Variants in EYS observed in about 807,000 individuals in gnomAD.
EYS encodes EGF-like photoreceptor maintenance factor.
In EYS, 250 loss-of-function variants were observed where a neutral mutation model predicts 282.1. That is an observed-to-expected ratio of 0.89 (90% CI 0.80 to 0.98). EYS has a LOEUF of 0.98. EYS is among the 50% of genes least tolerant of loss of function. The pLI is 0.00. For synonymous variants in EYS, 1,355 were observed against 1,282.9 expected, an observed-to-expected ratio of 1.06 and a Z score of -1.20; for missense variants, 4,016 against 3,709.0, an observed-to-expected ratio of 1.08 and a Z score of -2.15.
At chr6:64,729,413 T>C (rs963537932) in intron 22 of EYS, among the ~76,000 whole-genome samples, 1 of 152,186 alleles carries the variant, frequency 6.6e-6, no homozygotes, top group Non-Finnish European at 1.5e-5. Context: ...ATAGTGGAAA[T>C]TATGTGAGTA....
chr6:65,062,798 G>T (rs1175319028), intron 12 of EYS, among the ~76,000 whole-genome samples: 1 of 151,866 alleles, frequency 6.6e-6, no homozygotes, highest in South Asian at 2.1e-4. Context: ...GCATAAAGAG[G>T]ATTATCTTTA....
At chr6:65,579,247 C>T (rs1164168772) in intron 2 of EYS, among the ~76,000 whole-genome samples, 1 of 151,856 alleles carries the variant, frequency 6.6e-6, no homozygotes, top group Non-Finnish European at 1.5e-5. Context: ...CAAGAAGATA[C>T]AACATATATT....
At chr6:63,732,954 AGAAAGGCATGTATGCATGTGGGGGCAG>A (rs1220508267) in intron 41 of EYS, among the ~76,000 whole-genome samples, 1 of 152,200 alleles carries the variant, frequency 6.6e-6, no homozygotes, top group Non-Finnish European at 1.5e-5. Flanking sequence ...CAGGGAAAGG[AGAAAGGCATGTATGCATGTGGGGGCAG>A]GAAAGGCATT....
chr6:65,679,520 G>T (rs2149837577), intron 1 of EYS, among the ~76,000 whole-genome samples: 1 of 151,824 alleles, frequency 6.6e-6, no homozygotes, highest in East Asian at 2.0e-4. Context: ...GTAGAATGTT[G>T]GTTGCCAGAG....
intron 5 of EYS, among the ~76,000 whole-genome samples, chr6:65,440,761 C>A (rs1173041346): frequency 1.3e-5 from 2 of 149,998 alleles, no homozygotes; most frequent in Admixed American, 1.3e-4. Flanking sequence ...TGGCTAATAA[C>A]ATTAATTTAT....
intron 30 of EYS, among the ~76,000 whole-genome samples, chr6:64,269,036 T>C (rs936024098): frequency 1.3e-5 from 2 of 152,302 alleles, no homozygotes; most frequent in African/African-American, 4.8e-5. Flanking sequence ...TGCTTCCTCA[T>C]GTGTGATGTT....
At chr6:65,564,374 T>A (rs1769191705) in intron 2 of EYS, among the ~76,000 whole-genome samples, 1 of 151,988 alleles carries the variant, frequency 6.6e-6, no homozygotes, top group Admixed American at 6.6e-5. Context: ...CTTCAAACTA[T>A]CCTACAAGCC....
chr6:64,265,545 T>C (rs1269180756), intron 30 of EYS, among the ~76,000 whole-genome samples: 2 of 152,306 alleles, frequency 1.3e-5, no homozygotes, highest in African/African-American at 4.8e-5. Flanking sequence ...TGTTGTGGTC[T>C]CATCATCTTT....
chr6:65,474,594 C>T (rs1765333483), intron 5 of EYS, among the ~76,000 whole-genome samples: 1 of 152,086 alleles, frequency 6.6e-6, no homozygotes, highest in African/African-American at 2.4e-5. Context: ...TGTAAATCTT[C>T]CAACAGATAG....
chr6:65,042,263 C>T (rs1277449715), intron 13 of EYS, among the ~76,000 whole-genome samples: 2 of 151,414 alleles, frequency 1.3e-5, no homozygotes, highest in African/African-American at 2.4e-5. Flanking sequence ...ACCTGCATTT[C>T]TTGTAGATTG....
At chr6:65,672,766 T>G (rs1307071910) in intron 1 of EYS, among the ~76,000 whole-genome samples, 5 of 151,968 alleles carry the variant, frequency 3.3e-5, no homozygotes, top group African/African-American at 1.2e-4. Flanking sequence ...GACAGAAAAT[T>G]TTCATGCGAG....
intron 31 of EYS, among the ~76,000 whole-genome samples, chr6:64,133,170 T>A (rs1189089968): frequency 6.6e-6 from 1 of 151,292 alleles, no homozygotes; most frequent in Admixed American, 6.6e-5. Context: ...CTAATTTTGA[T>A]TTTTTTCCTC....
chr6:65,617,641 C>T (rs894453215), intron 2 of EYS, among the ~76,000 whole-genome samples: 7 of 151,122 alleles, frequency 4.6e-5, no homozygotes, highest in South Asian at 4.2e-4. Context: ...CATGCTGGTG[C>T]GCTGCACCCA....
intron 12 of EYS, among the ~76,000 whole-genome samples, chr6:65,120,603 A>G (rs1351251675): frequency 6.6e-6 from 1 of 152,158 alleles, no homozygotes; most frequent in Non-Finnish European, 1.5e-5. Context: ...TAAGATTGGA[A>G]TAGACAAGAT....
chr6:63,746,934 A>T (rs1397607129), intron 41 of EYS, among the ~76,000 whole-genome samples: 1 of 152,136 alleles, frequency 6.6e-6, no homozygotes, highest in Non-Finnish European at 1.5e-5. Context: ...TATCTCCTTC[A>T]GTTCTGCTCT....
intron 11 of EYS, among the ~76,000 whole-genome samples, chr6:65,306,337 T>A (rs1277759018): frequency 6.6e-6 from 1 of 152,168 alleles, no homozygotes; most frequent in Non-Finnish European, 1.5e-5. Flanking sequence ...AAGATTGGGA[T>A]GATTCTGCAC....
intron 28 of EYS, among the ~76,000 whole-genome samples, chr6:64,415,730 G>A (rs1382039311): frequency 6.6e-6 from 1 of 152,116 alleles, no homozygotes; most frequent in African/African-American, 2.4e-5. Context: ...AATTGCTAGT[G>A]ATTTTGCAGT....
chr6:64,994,979 C>T (rs190606243), intron 14 of EYS, among the ~76,000 whole-genome samples: 194 of 152,240 alleles, frequency 1.3e-3, no homozygotes, highest in African/African-American at 4.4e-3. Flanking sequence ...AATATCCTGA[C>T]AGATAATAAT....
At chr6:64,993,518 T>C (rs1404249767) in intron 14 of EYS, among the ~76,000 whole-genome samples, 1 of 136,978 alleles carries the variant, frequency 7.3e-6, no homozygotes, top group Non-Finnish European at 1.5e-5. Context: ...TAGGTGGGAA[T>C]TGAACAATGA....
Sources: allele counts gnomAD v4.1 joint callset (sites outside exome capture counted in the v4.1 genomes callset), GRCh38; gene constraint gnomAD v4.1.1; transcripts MANE v1.5; gene names NCBI Gene and HGNC (gene_info 2026-07-23, HGNC 2026-07-21).